Variants in PTPN14 observed in about 807,000 individuals in gnomAD.
The protein encoded by PTPN14 is protein tyrosine phosphatase non-receptor type 14.
A neutral mutation model predicts 126.8 loss-of-function variants in PTPN14; 53 were observed. That is an observed-to-expected ratio of 0.42 (90% CI 0.34 to 0.53). The LOEUF (loss-of-function observed/expected upper bound fraction) is 0.53. PTPN14 is among the 20% of genes least tolerant of loss of function. The pLI, the probability that PTPN14 is intolerant of heterozygous loss-of-function variation, is 0.08. For synonymous variants in PTPN14, 630 were observed against 599.3 expected, an observed-to-expected ratio of 1.05 and a Z score of -0.75; for missense variants, 1,257 against 1,552.9, an observed-to-expected ratio of 0.81 and a Z score of 3.20.
chr1:214,426,817 G>A (rs1375702678), intron 3 of PTPN14, among the ~76,000 whole-genome samples: 4 of 152,182 alleles, frequency 2.6e-5, no homozygotes, highest in Non-Finnish European at 5.9e-5. Context: ...GAAGCCCAGG[G>A]AAGATGCCAG....
At position 214,360,026 on chromosome 1, in the gene PTPN14, C is replaced by T. The variant is rs1039847809; in HGVS notation, c.3436-1976G>A. On this transcript the variant is annotated intron_variant, in intron 18 of 18. Coordinates refer to ENST00000366956, the MANE Select transcript of PTPN14 (RefSeq NM_005401.5). ...CCTCCTGGACTAGCCAGGACACATA[C>T]GGCTGGAGCACCCCTGAGCTGTGGA... Among the ~76,000 whole-genome samples the T allele has an allele frequency of 7.9e-5, 12 of 152,278 alleles. No homozygotes were observed. The East Asian group carries it at 9.7e-4, about 12-fold the overall frequency.
chr1:214,353,717 A>C lies in PTPN14; in HGVS notation c.*4205T>G, dbSNP rs1657752435. On this transcript the variant is annotated 3_prime_UTR_variant, in exon 19 of 19. Coordinates refer to ENST00000366956, the MANE Select transcript of PTPN14 (RefSeq NM_005401.5). ...CTGCAGTGCACTATCTACCTCTGCA[A>C]CTTCCATGTCCCAGGAGATGGCCCA... is the stretch of plus-strand genomic sequence containing the variant. 6.6e-6 allele frequency: 1 copy of C among 152,226 alleles called. No homozygotes were observed. Among genetic ancestry groups the C allele is most frequent in the Non-Finnish European group, 1.5e-5 (1 of 68,056 alleles). 9.4% of individuals were successfully genotyped at this position (152,226 alleles called of 1,614,324 possible).
At chr1:214,367,535 C>G (rs1301290806) in intron 17 of PTPN14, among the ~76,000 whole-genome samples, 1 of 152,068 alleles carries the variant, frequency 6.6e-6, no homozygotes, top group Non-Finnish European at 1.5e-5. Context: ...AAATGAATAC[C>G]AAAATAAAAT....
intron 2 of PTPN14, among the ~76,000 whole-genome samples, chr1:214,453,945 A>G (rs1249445427): frequency 2.0e-5 from 3 of 152,240 alleles, no homozygotes; most frequent in African/African-American, 4.8e-5. Context: ...TCTATGATGT[A>G]GGCTTAAGCT....
At chr1:214,437,879 T>G (rs540239222) in intron 3 of PTPN14, among the ~76,000 whole-genome samples, 6 of 152,332 alleles carry the variant, frequency 3.9e-5, no homozygotes, top group Admixed American at 3.3e-4. Context: ...GTCTTCCATT[T>G]AACCAAACTT....
chr1:214,505,258 C>A (rs1571629832), intron 1 of PTPN14, among the ~76,000 whole-genome samples: 1 of 151,882 alleles, frequency 6.6e-6, no homozygotes, highest in East Asian at 1.9e-4. Context: ...CAATGGGTGA[C>A]CAGCAGGAGG....
intron 1 of PTPN14, among the ~76,000 whole-genome samples, chr1:214,521,893 G>C (rs867917586): frequency 9.1e-6 from 1 of 110,080 alleles, no homozygotes; most frequent in Admixed American, 8.9e-5. Flanking sequence ...GATTTTTGTT[G>C]TTTTTTTTTT....
chr1:214,474,629 T>C (rs1660829265), intron 1 of PTPN14, among the ~76,000 whole-genome samples: 1 of 152,140 alleles, frequency 6.6e-6, no homozygotes, highest in East Asian at 1.9e-4. Flanking sequence ...TTTAAGTAAG[T>C]CCCATCCATG....
chr1:214,476,630 G>C (rs1382774463), intron 1 of PTPN14, among the ~76,000 whole-genome samples: 1 of 152,172 alleles, frequency 6.6e-6, no homozygotes, highest in Non-Finnish European at 1.5e-5. Context: ...CCAGCACTGA[G>C]CTTCCCTGGG....
chr1:214,398,127 C>T (rs1658929541), intron 7 of PTPN14, 126 bp from the exon 8 acceptor site: 2 of 722,108 alleles, frequency 2.8e-6, no homozygotes, highest in South Asian at 1.8e-5. Context: ...AAACGTGGTA[C>T]ATGTGTGTAC....
chr1:214,400,692 T>C (rs11582259), intron 7 of PTPN14, among the ~76,000 whole-genome samples: 34,559 of 152,110 alleles, frequency 0.23, 4,262 homozygotes, highest in East Asian at 0.28. Flanking sequence ...GAAATGTAAG[T>C]GGGATGCAGA....
In PTPN14 at chr1:214,357,881, G is replaced by T. The variant is rs374712902; in HGVS notation, c.*41C>A. 6.3e-7 allele frequency: 1 copy of T among 1,590,188 alleles called. No individual in the cohort carries two copies. Among genetic ancestry groups the T allele is most frequent in the East Asian group, 2.2e-5 (1 of 44,718 alleles). ...TCTGGAGGTGACTCTCCTCCAGCGC[G>T]ATGGAGCTGGGTCCCTCCTCCAGGA... On this transcript the variant is annotated 3_prime_UTR_variant, in exon 19 of 19. Transcript: ENST00000366956.
At chr1:214,450,043 G>C (rs1009660112) in intron 3 of PTPN14, among the ~76,000 whole-genome samples, 2 of 151,886 alleles carry the variant, frequency 1.3e-5, no homozygotes, top group African/African-American at 2.4e-5. Flanking sequence ...TGACGCAGGA[G>C]GATTGCGGGA....
At chr1:214,413,960 C>T (rs1349960614) in intron 4 of PTPN14, among the ~76,000 whole-genome samples, 1 of 150,994 alleles carries the variant, frequency 6.6e-6, no homozygotes, top group African/African-American at 2.5e-5. Context: ...TGAGCCACCG[C>T]GCTGGCCTAT....
At chr1:214,394,752 G>A in intron 9 of PTPN14, 147 bp downstream of exon 9, 1 of 746,738 alleles carries the variant, frequency 1.3e-6, no homozygotes, top group Non-Finnish European at 2.3e-6. Context: ...AATGAGTAAT[G>A]ACAGCACTGA....
In PTPN14 at chr1:214,383,983, C is replaced by T. The variant is rs1455167466; in HGVS notation, c.1872G>A (p.Val624=). ...SPVVHQSLQE[V]SEPLTATKHH... ...GCTTGGTGGCCGTGAGGGGCTCGCT[C>T]ACCTCCTGGAGAGACTGATGAACCA... The change falls in exon 13 of 19, where the codon GTG becomes GTA. Residue 624 remains valine (V), a synonymous_variant. Coordinates refer to ENST00000366956, the MANE Select transcript of PTPN14 (RefSeq NM_005401.5). This position sits in a 1 kb window ranked among gnomAD's most constrained non-coding sequence, Gnocchi z 4.4. 3 of 1,610,768 alleles carry T rather than the reference C, an allele frequency of 1.9e-6. No individual in the cohort carries two copies. Among genetic ancestry groups the T allele is most frequent in the South Asian group, 2.2e-5 (2 of 91,074 alleles).
chr1:214,428,612 A>G (rs1659729735), intron 3 of PTPN14, among the ~76,000 whole-genome samples: 1 of 152,186 alleles, frequency 6.6e-6, no homozygotes, highest in Non-Finnish European at 1.5e-5. Flanking sequence ...AAGTCCACAC[A>G]TATTTCCCTC....
chr1:214,547,354 C>A lies in PTPN14; in HGVS notation c.-155+3829G>T, dbSNP rs376386278. On this transcript the variant is annotated intron_variant, in intron 1 of 18. Transcript: ENST00000366956. ...TCCTGCAGAAAAGATTTAACCAATT[C>A]TTTGCCATCCTGTTTCAAGAACACA... 2.2e-4 allele frequency among the ~76,000 whole-genome samples: 33 copies of A among 152,296 alleles called. No homozygotes were observed. The South Asian group carries it at 6.6e-3, about 31-fold the overall frequency.
intron 1 of PTPN14, among the ~76,000 whole-genome samples, chr1:214,518,009 T>TA (rs1349415329): frequency 6.6e-6 from 1 of 152,102 alleles, no homozygotes; most frequent in African/African-American, 2.4e-5. Context: ...ACTTAAAATA[T>TA]AAAAAACTTA....
Sources: allele counts gnomAD v4.1 joint callset (sites outside exome capture counted in the v4.1 genomes callset), GRCh38; gene constraint gnomAD v4.1.1; non-coding constraint Gnocchi (gnomAD v3.1); transcripts MANE v1.5; gene names NCBI Gene and HGNC (gene_info 2026-07-23, HGNC 2026-07-21).